B3GALT5: variants seen among roughly 807,000 people sequenced by gnomAD.
B3GALT5 encodes the protein beta-1,3-galactosyltransferase 5.
For synonymous variants in B3GALT5, 156 were observed against 158.6 expected (o/e 0.98, Z 0.12); for missense variants, 328 against 396.6 (o/e 0.83, Z 1.47).
rs759359227 is a variant in B3GALT5, at chr21:39,660,777, G to A, written c.218G>A (p.Arg73His). The change falls in exon 4 of 4, where the codon CGC becomes CAC. Residue 73 changes from arginine (R) to histidine (H), a missense_variant. Coordinates refer to ENST00000684187, the MANE Select transcript of B3GALT5 (RefSeq NM_001356336.2). ...TCATCCCACAAACAGTTGGCTGAGCGCATGGCCATCCGGCAGACGTGGGGG... is the reference window on the plus strand; with the variant it reads ...TCATCCCACAAACAGTTGGCTGAGCACATGGCCATCCGGCAGACGTGGGGG... ...VTSSHKQLAE[R>H]MAIRQTWGKE... is the part of the protein sequence containing the mutation. 16 of 1,566,824 alleles carry A rather than the reference G, an allele frequency of 1.0e-5. No homozygotes were observed. The highest frequency in any genetic ancestry group is 2.7e-5 in the African/African-American group (2 of 73,616).
intron 1 of B3GALT5, among the ~76,000 whole-genome samples, chr21:39,615,003 T>G (rs2123678704): frequency 6.6e-6 from 1 of 152,318 alleles, no homozygotes; most frequent in East Asian, 1.9e-4. Flanking sequence ...TCTCCCTGAC[T>G]ATAACAGCCT....
chr21:39,615,686 A>G (rs1438920878), intron 1 of B3GALT5, among the ~76,000 whole-genome samples: 4 of 152,192 alleles, frequency 2.6e-5, no homozygotes, highest in Admixed American at 2.6e-4. Context: ...TAATTTCCCT[A>G]TGCCTCAGTT....
intron 2 of B3GALT5, among the ~76,000 whole-genome samples, chr21:39,651,074 C>A (rs1159432535): frequency 6.6e-6 from 1 of 152,142 alleles, no homozygotes; most frequent in Non-Finnish European, 1.5e-5. Context: ...GACGGTCACT[C>A]AGCTCAGGAG....
intron 2 of B3GALT5, chr21:39,658,041 C>A: frequency 1.4e-6 from 1 of 691,428 alleles, no homozygotes; most frequent in African/African-American, 1.8e-5. Context: ...GCTCTGTCTG[C>A]TGGTGCTGCA....
At chr21:39,618,345 A>G (rs1224211815) in intron 1 of B3GALT5, among the ~76,000 whole-genome samples, 1 of 152,228 alleles carries the variant, frequency 6.6e-6, no homozygotes, top group East Asian at 1.9e-4. Context: ...GTGAAAAAGC[A>G]TCTTTCCTAG....
At chr21:39,644,005 G>A (rs1187528426) in intron 1 of B3GALT5, among the ~76,000 whole-genome samples, 2 of 152,146 alleles carry the variant, frequency 1.3e-5, no homozygotes, top group Admixed American at 1.3e-4. Flanking sequence ...TTAAGGATGG[G>A]CGCCTGGGAG....
intron 1 of B3GALT5, among the ~76,000 whole-genome samples, chr21:39,629,309 C>G (rs1178349120): frequency 6.6e-6 from 1 of 152,206 alleles, no homozygotes; most frequent in East Asian, 1.9e-4. Context: ...GCCACCATGC[C>G]GAGCCTTAAC....
At chr21:39,623,241 C>CCCTTCCTTCCTTCCTT (rs1182848314) in intron 1 of B3GALT5, among the ~76,000 whole-genome samples, 263 of 17,792 alleles carry the variant, frequency 0.015, 8 homozygotes, top group East Asian at 0.037. Context: ...CTCCCTCCCT[C>CCCTTCCTTCCTTCCTT]CCTTCCTTCC....
intron 1 of B3GALT5, among the ~76,000 whole-genome samples, chr21:39,639,400 T>TTCTTTCTCTTTC (rs1339331444): frequency 5.1e-4 from 29 of 57,192 alleles, no homozygotes; most frequent in African/African-American, 2.2e-3. Context: ...CCTTCTTTCT[T>TTCTTTCTCTTTC]TTTCTTTCTT....
intron 1 of B3GALT5, among the ~76,000 whole-genome samples, chr21:39,617,853 C>T (rs1420089034): frequency 1.3e-5 from 2 of 152,048 alleles, no homozygotes; most frequent in Admixed American, 1.3e-4. Context: ...AGATCGGATA[C>T]CTCTGTGGGT....
intron 2 of B3GALT5, among the ~76,000 whole-genome samples, chr21:39,647,057 C>T (rs1023172866): frequency 1.3e-5 from 2 of 152,018 alleles, no homozygotes; most frequent in African/African-American, 2.4e-5. Context: ...ACCAAGATGG[C>T]GCCTCCGCAC....
At chr21:39,660,539 A>T in intron 3 of B3GALT5, 21 bp from the exon 4 acceptor site, 1 of 1,411,608 alleles carries the variant, frequency 7.1e-7, no homozygotes, top group Non-Finnish European at 9.3e-7. Context: ...AGGTCTAATC[A>T]TTGGATTTTG....
chr21:39,632,231 A>AT, intron 1 of B3GALT5, among the ~76,000 whole-genome samples: 1 of 152,182 alleles, frequency 6.6e-6, no homozygotes, highest in Non-Finnish European at 1.5e-5. Context: ...CTTTATGGTG[A>AT]TTCTGCAGAA....
chr21:39,618,404 A>G (rs565614001), intron 1 of B3GALT5, among the ~76,000 whole-genome samples: 4 of 152,236 alleles, frequency 2.6e-5, no homozygotes, highest in Non-Finnish European at 4.4e-5. Flanking sequence ...ATGCTCCTAC[A>G]TACTATACCT....
rs894442370 is a variant in B3GALT5, at chr21:39,666,744, A to G, written c.*5252A>G. 4.6e-5 allele frequency: 7 copies of G among 152,270 alleles called. No individual in the cohort carries two copies. Among genetic ancestry groups the G allele is most frequent in the Admixed American group, 4.6e-4 (7 of 15,290 alleles). 9.4% of individuals were successfully genotyped at this position (152,270 alleles called of 1,614,324 possible). A position where few individuals can be genotyped will look rare whatever the true frequency, so the allele number is the denominator to read the frequency against. On this transcript the variant is annotated 3_prime_UTR_variant, in exon 4 of 4. Coordinates refer to ENST00000684187, the MANE Select transcript of B3GALT5 (RefSeq NM_001356336.2). ...ATTCCTGCTCCTCTTCAAACACACC[A>G]TTGTAACCACATAATACACTGTGTG...
At chr21:39,639,118 C>T (rs1397114225) in intron 1 of B3GALT5, among the ~76,000 whole-genome samples, 2 of 152,146 alleles carry the variant, frequency 1.3e-5, no homozygotes, top group South Asian at 2.1e-4. Flanking sequence ...GCCATGTAGA[C>T]GGAAGCCACT....
rs1363498938 is a variant in B3GALT5 at position 39,662,089 on chromosome 21, G to A, written c.*597G>A. The A allele has an allele frequency of 6.0e-6, 1 of 167,088 alleles. No individual in the cohort carries two copies. Among genetic ancestry groups the A allele is most frequent in the African/African-American group, 2.4e-5 (1 of 41,434 alleles). The allele number at this position is 167,088 out of a possible 1,614,324, so 10.4% of individuals were successfully genotyped here. ...TTCATTCACAGGGCTGGATGTAGCTGGGATTGAGTCCATGTTATCGGCTCG... is the reference window on the plus strand; with the variant it reads ...TTCATTCACAGGGCTGGATGTAGCTAGGATTGAGTCCATGTTATCGGCTCG... On this transcript the variant is annotated 3_prime_UTR_variant, in exon 4 of 4. Transcript: ENST00000684187.
At chr21:39,628,738 A>G (rs1210807646) in intron 1 of B3GALT5, among the ~76,000 whole-genome samples, 2 of 152,224 alleles carry the variant, frequency 1.3e-5, no homozygotes, top group Non-Finnish European at 2.9e-5. Flanking sequence ...TCGAGTGATT[A>G]TATCTTGAGC....
rs558858956 is a variant in B3GALT5 at position 39,629,304 on chromosome 21, C to G, written c.-392+16237C>G. 1.1e-4 allele frequency among the ~76,000 whole-genome samples: 16 copies of G among 152,356 alleles called. No homozygotes were observed. In the East Asian group the frequency reaches 3.1e-3, roughly 29 times the overall value. On this transcript the variant is annotated intron_variant, in intron 1 of 3. Transcript: ENST00000684187. Reference sequence around the variant, plus strand: ...TGCTGGGATTATAGGCGTGAGCCACCATGCCGAGCCTTAACATCTTGATTG... The same window carrying G: ...TGCTGGGATTATAGGCGTGAGCCACGATGCCGAGCCTTAACATCTTGATTG...
Sources: allele counts gnomAD v4.1 joint callset (sites outside exome capture counted in the v4.1 genomes callset), GRCh38; gene constraint gnomAD v4.1.1; transcripts MANE v1.5; gene names NCBI Gene and HGNC (gene_info 2026-07-23, HGNC 2026-07-21).